The following PRKN variants were observed in gnomAD, a reference collection of about 807,000 sequenced individuals.
PRKN encodes E3 ubiquitin-protein ligase parkin.
In PRKN, 56 loss-of-function variants were observed where a neutral mutation model predicts 59.5. The observed-to-expected ratio is 0.94, with a 90% CI of 0.76 to 1.18. The LOEUF (loss-of-function observed/expected upper bound fraction) is 1.18, where lower values mean the gene tolerates loss of function less well. Ranked by LOEUF, PRKN falls within the 50% of genes most tolerant of loss-of-function variation. The pLI, the probability that PRKN is intolerant of heterozygous loss-of-function variation, is 0.00. For missense variants in PRKN, 657 were observed against 596.4 expected, an observed-to-expected ratio of 1.10 and a Z score of -1.06; for synonymous variants, 250 against 222.1, an observed-to-expected ratio of 1.13 and a Z score of -1.12.
chr6:161,441,635 ACT>A (rs1789232614), intron 9 of PRKN, among the ~76,000 whole-genome samples: 1 of 137,020 alleles, frequency 7.3e-6, no homozygotes, highest in East Asian at 2.2e-4. Context: ...ACAGAGCAAG[ACT>A]CTGTCTCTTA....
intron 5 of PRKN, among the ~76,000 whole-genome samples, chr6:161,989,083 A>G (rs1781547284): frequency 6.6e-6 from 1 of 152,242 alleles, no homozygotes; most frequent in African/African-American, 2.4e-5. Flanking sequence ...GAGACATACA[A>G]TGAGCTTTAG....
chr6:161,401,002 C>T lies in PRKN; in HGVS notation c.1084-14125G>A, dbSNP rs1019764669. ...ACTGTTGATCAGAGTACACTGCAAA[C>T]AAACATCTGTTTCTGATGGCTGCAG... On this transcript the variant is annotated intron_variant, in intron 9 of 11. Transcript: ENST00000366898. This position sits in a 1 kb window ranked among gnomAD's most constrained non-coding sequence, Gnocchi z 4.4. Among the ~76,000 whole-genome samples, 5 of 152,272 alleles carry T rather than the reference C, an allele frequency of 3.3e-5. 1 individual carries two copies. The highest frequency in any genetic ancestry group is 1.2e-4 in the African/African-American group (5 of 41,570).
intron 1 of PRKN, among the ~76,000 whole-genome samples, chr6:162,461,123 C>T (rs1791133764): frequency 6.6e-6 from 1 of 151,772 alleles, no homozygotes; most frequent in Non-Finnish European, 1.5e-5. Context: ...AGAGATATTA[C>T]AACAGAATTA....
chr6:161,627,577 C>A (rs777937976), intron 7 of PRKN, among the ~76,000 whole-genome samples: 2 of 152,206 alleles, frequency 1.3e-5, no homozygotes, highest in African/African-American at 4.8e-5. Context: ...TTATTTGTGG[C>A]GGAGAGTTCT....
intron 4 of PRKN, among the ~76,000 whole-genome samples, chr6:162,067,307 C>T (rs963862211): frequency 2.0e-5 from 3 of 152,106 alleles, no homozygotes; most frequent in Non-Finnish European, 2.9e-5. Context: ...ATTATTATTA[C>T]AATTAAATTA....
At chr6:161,565,731 T>C (rs1410518827) in intron 8 of PRKN, among the ~76,000 whole-genome samples, 3 of 152,172 alleles carry the variant, frequency 2.0e-5, no homozygotes, top group South Asian at 2.1e-4. Context: ...CTTATAGCAA[T>C]GTGAGACCAG....
chr6:161,817,827 C>T (rs1347727119), intron 6 of PRKN, among the ~76,000 whole-genome samples: 1 of 152,154 alleles, frequency 6.6e-6, no homozygotes, highest in African/African-American at 2.4e-5. Context: ...ATTTCCTCAA[C>T]CCAATATTTT....
intron 10 of PRKN, among the ~76,000 whole-genome samples, chr6:161,381,461 C>T (rs915166306): frequency 1.4e-4 from 21 of 152,218 alleles, no homozygotes; most frequent in Admixed American, 1.1e-3. Context: ...AGATGGTGTA[C>T]GTGAAAGTGC....
At chr6:162,000,840 T>A (rs1265411422) in intron 5 of PRKN, among the ~76,000 whole-genome samples, 1 of 74,240 alleles carries the variant, frequency 1.3e-5, no homozygotes, top group Non-Finnish European at 2.4e-5. Flanking sequence ...AAGATCTGTT[T>A]CCAGATTTTT....
intron 2 of PRKN, among the ~76,000 whole-genome samples, chr6:162,298,134 G>A (rs1454634002): frequency 2.0e-5 from 3 of 152,152 alleles, no homozygotes; most frequent in South Asian, 2.1e-4. Context: ...TTTTGACAAG[G>A]GGAGGTACCA....
chr6:161,956,059 C>T (rs1446348865), intron 6 of PRKN, among the ~76,000 whole-genome samples: 1 of 152,164 alleles, frequency 6.6e-6, no homozygotes, highest in Non-Finnish European at 1.5e-5. Flanking sequence ...TTTCAGTTAG[C>T]AAGTCAGGGC....
chr6:162,338,427 T>C (rs1783953328), intron 2 of PRKN, among the ~76,000 whole-genome samples: 1 of 152,096 alleles, frequency 6.6e-6, no homozygotes, highest in Admixed American at 6.5e-5. Flanking sequence ...CATGCCTGAC[T>C]GGTTTTGGTG....
intron 4 of PRKN, among the ~76,000 whole-genome samples, chr6:162,166,321 C>G (rs1480718699): frequency 6.6e-6 from 1 of 152,038 alleles, no homozygotes; most frequent in Admixed American, 6.6e-5. Flanking sequence ...CTTTATATGA[C>G]CCTTTAGAAG....
chr6:162,615,052 T>A (rs1191993910), intron 1 of PRKN, among the ~76,000 whole-genome samples: 3 of 152,158 alleles, frequency 2.0e-5, no homozygotes, highest in Non-Finnish European at 4.4e-5. Context: ...CATTATGTCT[T>A]AATGAGAGGA....
Position 161,997,023 on chromosome 6 carries a change from A to C in PRKN, c.619-23606T>G, listed in dbSNP as rs992769765. Among the ~76,000 whole-genome samples, 5 of 152,120 alleles carry C rather than the reference A, an allele frequency of 3.3e-5. No homozygotes were observed. In the East Asian group the frequency reaches 9.6e-4, roughly 29 times the overall value. On this transcript the variant is annotated intron_variant, in intron 5 of 11. Transcript: ENST00000366898. Reference sequence around the variant, plus strand: ...GCAAACCTAGTCTACCTCTATACACATAAAAGAGCAAGCTTCAATTGCGTT... The same window carrying C: ...GCAAACCTAGTCTACCTCTATACACCTAAAAGAGCAAGCTTCAATTGCGTT...
chr6:161,947,643 T>C (rs766864006), intron 6 of PRKN, among the ~76,000 whole-genome samples: 12 of 152,352 alleles, frequency 7.9e-5, no homozygotes, highest in South Asian at 4.1e-4. Flanking sequence ...AGCTCTGTAG[T>C]TGATTCGCAA....
rs1562508873 is a variant in PRKN at position 161,532,186 on chromosome 6, ATATAT to A, written c.1083+16663_1083+16667del. 7.4e-5 allele frequency among the ~76,000 whole-genome samples: 10 copies of A among 134,470 alleles called. No individual in the cohort carries two copies. In the East Asian group the frequency reaches 1.6e-3, roughly 22 times the overall value. 88.2% of individuals were successfully genotyped at this position (134,470 alleles called of 152,430 possible). On this transcript the variant is annotated intron_variant, in intron 9 of 11. Transcript: ENST00000366898. The stretch of plus-strand genomic sequence containing the variant: ...TCTCTCTATATATATATATATATAT[ATATAT>A]AATCTATCTATGTGTCTATAAGTAC...
intron 6 of PRKN, among the ~76,000 whole-genome samples, chr6:161,866,009 T>C (rs2128225660): frequency 6.6e-6 from 1 of 152,284 alleles, no homozygotes; most frequent in East Asian, 1.9e-4. Context: ...CTTAAACACT[T>C]TGAGCCCATT....
chr6:162,161,718 G>C (rs76256006), intron 4 of PRKN, among the ~76,000 whole-genome samples: 1 of 152,086 alleles, frequency 6.6e-6, no homozygotes, highest in Non-Finnish European at 1.5e-5. Flanking sequence ...CTAACACTAC[G>C]TCACAATGCC....
Sources: allele counts gnomAD v4.1 joint callset (sites outside exome capture counted in the v4.1 genomes callset), GRCh38; gene constraint gnomAD v4.1.1; non-coding constraint Gnocchi (gnomAD v3.1); transcripts MANE v1.5; gene names NCBI Gene and HGNC (gene_info 2026-07-23, HGNC 2026-07-21).